The following TENM4 variants were observed in gnomAD, a reference collection of about 807,000 sequenced individuals.
TENM4 encodes teneurin transmembrane protein 4, also known as teneurin-4.
In TENM4, 82 loss-of-function variants were observed where a neutral mutation model predicts 243.3. That is an observed-to-expected ratio of 0.34 (90% CI 0.28 to 0.40). The LOEUF (loss-of-function observed/expected upper bound fraction) is 0.40, where lower values mean the gene tolerates loss of function less well. TENM4 is among the 10% of genes least tolerant of loss of function. The pLI is 1.00. For missense variants in TENM4, 3,138 were observed against 3,673.3 expected (o/e 0.85, Z 3.77); for synonymous variants, 1,412 against 1,456.3 (o/e 0.97, Z 0.69).
At chr11:79,033,480 T>G (rs1307483980) in intron 6 of TENM4, among the ~76,000 whole-genome samples, 1 of 152,208 alleles carries the variant, frequency 6.6e-6, no homozygotes, top group Non-Finnish European at 1.5e-5. Flanking sequence ...AACAATGCGG[T>G]GAACAAAGTA....
At chr11:79,338,001 C>A (rs922932448) in intron 1 of TENM4, among the ~76,000 whole-genome samples, 1 of 152,202 alleles carries the variant, frequency 6.6e-6, no homozygotes, top group Non-Finnish European at 1.5e-5. Flanking sequence ...CACCAAGTCT[C>A]AGAGGAAGAG....
intron 3 of TENM4, among the ~76,000 whole-genome samples, chr11:79,199,681 G>A (rs1863702516): frequency 6.6e-6 from 1 of 152,132 alleles, no homozygotes; most frequent in South Asian, 2.1e-4. Context: ...TGGATGTGGT[G>A]CCCTTGTAGT....
rs1252672226 is a variant in TENM4 at position 78,701,650 on chromosome 11, C to T, written c.4963G>A (p.Gly1655Ser). 6.2e-7 allele frequency: 1 copy of T among 1,613,924 alleles called. No individual in the cohort carries two copies. Among genetic ancestry groups the T allele is most frequent in the South Asian group, 1.1e-5 (1 of 91,054 alleles). ...PDGQVYWVTM[G>S]TNSALKSVTT... The stretch of plus-strand genomic sequence containing the variant: ...ACACTCTTGAGTGCACTGTTGGTGC[C>T]CATGGTCACCCAGTACACCTGGCCA... The change falls in exon 28 of 34, where the codon GGC becomes AGC. Residue 1655 changes from glycine (G) to serine (S), a missense_variant. By Grantham distance (56) the Gly-to-Ser change is moderately conservative (BLOSUM62 0). Around this residue, in one of 2 missense-constraint regions of TENM4, gnomAD observed 2,467 missense variants for 3,059.1 expected, o/e 0.81. Transcript: ENST00000278550.
At chr11:78,794,850 T>C (rs1181917993) in intron 15 of TENM4, among the ~76,000 whole-genome samples, 1 of 152,160 alleles carries the variant, frequency 6.6e-6, no homozygotes, top group East Asian at 1.9e-4. Flanking sequence ...GCTTTATGGT[T>C]AGAAAAGAAT....
chr11:79,022,545 T>C (rs971627296), intron 6 of TENM4, among the ~76,000 whole-genome samples: 1 of 152,312 alleles, frequency 6.6e-6, no homozygotes, highest in Admixed American at 6.5e-5. Context: ...AACCTTTCAG[T>C]GTGGCAGTGG....
intron 2 of TENM4, among the ~76,000 whole-genome samples, chr11:79,282,356 A>G (rs1445580134): frequency 6.6e-6 from 1 of 152,206 alleles, no homozygotes; most frequent in Non-Finnish European, 1.5e-5. Context: ...AGGGCCTGGC[A>G]CAGGAAAGGA....
At chr11:79,046,042 G>A (rs1022323004) in intron 6 of TENM4, among the ~76,000 whole-genome samples, 8 of 152,200 alleles carry the variant, frequency 5.3e-5, no homozygotes, top group Non-Finnish European at 7.3e-5. Flanking sequence ...ACTCTTACAC[G>A]TGCATTCCCA....
chr11:79,075,516 T>C (rs571818767), intron 4 of TENM4, among the ~76,000 whole-genome samples: 93 of 152,366 alleles, frequency 6.1e-4, no homozygotes, highest in African/African-American at 2.2e-3. Flanking sequence ...AATGCCATCA[T>C]CATTATTGTG....
chr11:79,430,232 T>G (rs1236016673), intron 1 of TENM4, among the ~76,000 whole-genome samples: 2 of 151,996 alleles, frequency 1.3e-5, no homozygotes, highest in Non-Finnish European at 2.9e-5. Context: ...AATGTCTGCT[T>G]TATTTATTCC....
At chr11:79,050,349 A>G (rs1167662958) in intron 6 of TENM4, among the ~76,000 whole-genome samples, 1 of 152,192 alleles carries the variant, frequency 6.6e-6, no homozygotes, top group Non-Finnish European at 1.5e-5. Context: ...GCAGGTAGAG[A>G]GAAGGGCAAA....
rs373224176 is a variant in TENM4, at chr11:79,155,610, TTCCC to T, written c.-162-6808_-162-6805del. On this transcript the variant is annotated intron_variant, in intron 3 of 33. Coordinates refer to ENST00000278550, the MANE Select transcript of TENM4 (RefSeq NM_001098816.3). ...TTCCAAGTAGTTTAATGGTCCGCCT[TTCCC>T]TCCCTCCCTCCCTCCCTTCCATCCT... Among the ~76,000 whole-genome samples, 924 of 147,824 alleles carry T rather than the reference TTCCC, an allele frequency of 6.3e-3. 10 individuals carry two copies. The highest frequency in any genetic ancestry group is 0.017 in the South Asian group (76 of 4,360).
chr11:79,324,298 T>C (rs1353599731), intron 1 of TENM4, among the ~76,000 whole-genome samples: 2 of 152,130 alleles, frequency 1.3e-5, no homozygotes, highest in Non-Finnish European at 2.9e-5. Context: ...CATAGCTCAG[T>C]GCAGCCTCAA....
intron 9 of TENM4, among the ~76,000 whole-genome samples, chr11:78,878,921 A>G (rs146712533): frequency 2.6e-5 from 4 of 152,382 alleles, no homozygotes; most frequent in African/African-American, 7.2e-5. Flanking sequence ...CAGTAATAGC[A>G]CAAATATAAT....
intron 12 of TENM4, among the ~76,000 whole-genome samples, chr11:78,818,895 A>G (rs904622307): frequency 9.2e-5 from 14 of 151,522 alleles, no homozygotes; most frequent in African/African-American, 3.4e-4. Context: ...ATAATTGGGT[A>G]TATGGCATGT....
chr11:78,956,071 G>A lies in TENM4; in HGVS notation c.494-52548C>T, dbSNP rs554114492. Among the ~76,000 whole-genome samples, 10 of 152,288 alleles carry A rather than the reference G, an allele frequency of 6.6e-5. No individual in the cohort carries two copies. The East Asian group carries it at 1.2e-3, about 18-fold the overall frequency. On this transcript the variant is annotated intron_variant, in intron 6 of 33. Transcript: ENST00000278550. ...TATCATGTATGTGCCTCAGTGCCCC[G>A]TTCCTAGGGTTATTGCTGTGCATGT...
intron 6 of TENM4, among the ~76,000 whole-genome samples, chr11:78,932,049 G>A (rs927406055): frequency 7.2e-5 from 11 of 152,146 alleles, no homozygotes; most frequent in Non-Finnish European, 1.2e-4. Flanking sequence ...GAAGGATTTC[G>A]CAGGCTTGGA....
intron 19 of TENM4, among the ~76,000 whole-genome samples, chr11:78,747,602 C>T (rs1856079438): frequency 6.6e-6 from 1 of 152,162 alleles, no homozygotes; most frequent in African/African-American, 2.4e-5. Context: ...TCTCTCCCCT[C>T]TAGCAAAATG....
At chr11:78,950,504 T>A (rs951896425) in intron 6 of TENM4, among the ~76,000 whole-genome samples, 7 of 151,644 alleles carry the variant, frequency 4.6e-5, no homozygotes, top group African/African-American at 1.7e-4. Context: ...CTGGTGGGAG[T>A]GAGAAAAGAT....
At chr11:78,953,723 T>C (rs985287133) in intron 6 of TENM4, among the ~76,000 whole-genome samples, 7 of 152,232 alleles carry the variant, frequency 4.6e-5, no homozygotes, top group African/African-American at 1.7e-4. Flanking sequence ...CTGTAAGTTA[T>C]ATGCAAATAC....
Sources: allele counts gnomAD v4.1 joint callset (sites outside exome capture counted in the v4.1 genomes callset), GRCh38; gene constraint gnomAD v4.1.1; regional missense constraint gnomAD v4.1.1; transcripts MANE v1.5; gene names NCBI Gene and HGNC (gene_info 2026-07-23, HGNC 2026-07-21).